ZDHHC24: variants seen among roughly 807,000 people sequenced by gnomAD.
The protein encoded by ZDHHC24 is zDHHC palmitoyltransferase 24.
ZDHHC24 carries 17 observed loss-of-function variants against 23.2 expected under a neutral mutation model. The observed-to-expected ratio is 0.73, with a 90% confidence interval of 0.50 to 1.10. The LOEUF (loss-of-function observed/expected upper bound fraction) is 1.10. Ranked by LOEUF, ZDHHC24 falls within the 50% of genes least tolerant of loss-of-function variation. ZDHHC24 has a pLI of 0.00. For synonymous variants in ZDHHC24, 186 were observed against 194.5 expected (o/e 0.96, Z 0.36); for missense variants, 366 against 393.0 (o/e 0.93, Z 0.58).
intron 4 of ZDHHC24, chr11:66,526,598 T>C (rs1229857448): frequency 6.2e-7 from 1 of 1,611,772 alleles, no homozygotes; most frequent in Non-Finnish European, 8.5e-7. Flanking sequence ...AGAATGGGAA[T>C]GTGGGTAGAA....
chr11:66,532,145 G>T (rs570234503), downstream of ZDHHC24: 2 of 1,215,576 alleles, frequency 1.6e-6, no homozygotes, highest in South Asian at 1.4e-5. Context: ...GCGACAGCTC[G>T]TCTCCCCTCT....
intron 4 of ZDHHC24, chr11:66,523,241 CAA>C (rs1856319627): frequency 3.0e-5 from 21 of 691,606 alleles, no homozygotes; most frequent in Non-Finnish European, 4.7e-5. Flanking sequence ...GGGAGGAAGA[CAA>C]GACACCATAG....
chr11:66,529,063 A>G, intron 3 of ZDHHC24: 1 of 984,828 alleles, frequency 1.0e-6, no homozygotes, highest in Non-Finnish European at 1.2e-6. Context: ...AAATTGTAAA[A>G]GTACTAGAGA....
chr11:66,524,261 CAG>C, intron 4 of ZDHHC24: 1 of 335,548 alleles, frequency 3.0e-6, no homozygotes, highest in Non-Finnish European at 5.8e-6. Flanking sequence ...GCCTGGACAA[CAG>C]AGCGAGACTC....
intron 4 of ZDHHC24, chr11:66,524,419 T>C: frequency 5.0e-6 from 1 of 199,262 alleles, no homozygotes; most frequent in South Asian, 8.6e-5. Flanking sequence ...CATAGCAAAT[T>C]TAAAAGGGCC....
Position 66,546,033 on chromosome 11 carries a change from G to A in ZDHHC24, c.-30C>T. ...TGGACACCCAGCTGTCGGAGCCGGAGGACTAGGCCGCTTCCGTATTGGGGC... is the reference window on the plus strand; with the variant it reads ...TGGACACCCAGCTGTCGGAGCCGGAAGACTAGGCCGCTTCCGTATTGGGGC... On this transcript the variant is annotated 5_prime_UTR_variant, in exon 1 of 3. Transcript: ENST00000310442. The A allele has an allele frequency of 2.2e-6, 3 of 1,371,816 alleles. No homozygotes were observed. Among genetic ancestry groups the A allele is most frequent in the Middle Eastern group, 2.7e-4 (1 of 3,688 alleles). The allele number at this position is 1,371,816 out of a possible 1,614,324, so 85.0% of individuals were successfully genotyped here.
At chr11:66,544,108 C>T (rs1857239878) in intron 1 of ZDHHC24, 127 bp from the exon 2 acceptor site, 3 of 1,263,842 alleles carry the variant, frequency 2.4e-6, no homozygotes, top group Non-Finnish European at 3.3e-6. Context: ...GCCTCAATTT[C>T]TTTACAAGTA....
Position 66,526,101 on chromosome 11 carries a change from A to T in ZDHHC24, c.*21+835T>A, listed in dbSNP as rs1179448106. 3.1e-6 allele frequency: 5 copies of T among 1,613,414 alleles called. No individual in the cohort carries two copies. In the Admixed American group the frequency reaches 8.3e-5, roughly 27 times the overall value. ...TCCTCTCCAAGATATTTCCCCAACTAAACTCTGACGTCTCCACATAGGATG... is the reference window on the plus strand; with the variant it reads ...TCCTCTCCAAGATATTTCCCCAACTTAACTCTGACGTCTCCACATAGGATG... On this transcript the variant is annotated intron_variant, in intron 4 of 4. Coordinates refer to the ZDHHC24 transcript ENST00000526986.
At chr11:66,523,868 G>A (rs764183402) in intron 4 of ZDHHC24, 10 of 1,613,202 alleles carry the variant, frequency 6.2e-6, no homozygotes, top group Non-Finnish European at 8.5e-6. Flanking sequence ...CCTGCTCAAT[G>A]TCATCCACAC....
At chr11:66,535,202 C>CTTTTGT (rs1483568277), downstream of ZDHHC24, among the ~76,000 whole-genome samples, 2 of 150,748 alleles carry the variant, frequency 1.3e-5, no homozygotes, top group East Asian at 2.0e-4. Flanking sequence ...CTGGACACAA[C>CTTTTGT]TTTTGTTTTT....
chr11:66,535,850 A>G lies in ZDHHC24; in HGVS notation c.*3679T>C, dbSNP rs2046576637. On this transcript the variant is annotated 3_prime_UTR_variant, in exon 3 of 3. Transcript: ENST00000310442. Reference sequence around the variant, plus strand: ...AAGGGCCGAGACTAGAGTTTAGGAGATGATTCCCAAAGGGCACAGGGGCAG... The same window carrying G: ...AAGGGCCGAGACTAGAGTTTAGGAGGTGATTCCCAAAGGGCACAGGGGCAG... The G allele has an allele frequency of 6.6e-6, 1 of 152,180 alleles. No individual in the cohort carries two copies. Among genetic ancestry groups the G allele is most frequent in the South Asian group, 2.1e-4 (1 of 4,824 alleles). The allele number at this position is 152,180 out of a possible 1,614,324, so 9.4% of individuals were successfully genotyped here.
At chr11:66,533,969 G>A (rs964529510), downstream of ZDHHC24, among the ~76,000 whole-genome samples, 1 of 152,066 alleles carries the variant, frequency 6.6e-6, no homozygotes, top group African/African-American at 2.4e-5. Flanking sequence ...AGGAGTTTGA[G>A]ACCAGCCCGG....
chr11:66,545,590 A>T lies in ZDHHC24; in HGVS notation c.281+133T>A. Reference sequence around the variant, plus strand: ...CACTCAATTCTAGCTCTTCCATCCCAGGTTCTAAAAAAATGTCTGATTCTA... The same window carrying T: ...CACTCAATTCTAGCTCTTCCATCCCTGGTTCTAAAAAAATGTCTGATTCTA... On this transcript the variant is annotated intron_variant, in intron 1 of 2. Coordinates refer to ENST00000310442, the MANE Select transcript of ZDHHC24 (RefSeq NM_207340.3). The surrounding 1 kb of genome is among the most constrained non-coding windows in gnomAD (Gnocchi z 4.5). 1 of 1,068,984 alleles carries T rather than the reference A, an allele frequency of 9.4e-7. No homozygotes were observed. The highest frequency in any genetic ancestry group is 1.3e-6 in the Non-Finnish European group (1 of 782,134). The allele number at this position is 1,068,984 out of a possible 1,614,324, so 66.2% of individuals were successfully genotyped here. A position where few individuals can be genotyped will look rare whatever the true frequency, so the allele number is the denominator to read the frequency against.
intron 4 of ZDHHC24, chr11:66,522,833 T>C (rs1856301278): frequency 3.3e-6 from 1 of 301,622 alleles, no homozygotes; most frequent in African/African-American, 2.2e-5. Flanking sequence ...GGAGAAAAAA[T>C]ACAAGCTCAA....
intron 4 of ZDHHC24, chr11:66,522,767 A>G (rs1271609648): frequency 4.1e-6 from 1 of 243,672 alleles, no homozygotes; most frequent in African/African-American, 2.3e-5. Context: ...CATGGCGAAG[A>G]CAGATGTATT....
chr11:66,525,015 A>T (rs564900344), intron 4 of ZDHHC24, among the ~76,000 whole-genome samples: 16 of 152,214 alleles, frequency 1.1e-4, no homozygotes, highest in Admixed American at 9.2e-4. Flanking sequence ...CCTGGCTAAC[A>T]CGGTAAAACC....
chr11:66,532,089 G>T, downstream of ZDHHC24: 1 of 1,541,314 alleles, frequency 6.5e-7, no homozygotes. Context: ...AGAACTGGGC[G>T]GGTTTAGTGG....
intron 2 of ZDHHC24, among the ~76,000 whole-genome samples, chr11:66,540,615 C>T (rs1857124865): frequency 4.6e-5 from 7 of 151,648 alleles, no homozygotes; most frequent in Admixed American, 4.6e-4. Context: ...GTAATCCCAG[C>T]TACTCAGGAG....
downstream of ZDHHC24, among the ~76,000 whole-genome samples, chr11:66,534,398 G>A (rs563273331): frequency 8.8e-5 from 12 of 136,322 alleles, no homozygotes; most frequent in South Asian, 2.4e-4. Context: ...AGCCAAGATC[G>A]CGCCACTACA....
Sources: gnomAD v4.1 joint callset for allele counts (sites outside exome capture counted in the v4.1 genomes callset) on GRCh38, gnomAD v4.1.1 for gene constraint, Gnocchi (gnomAD v3.1) non-coding constraint, MANE v1.5 for transcripts, NCBI Gene and HGNC (gene_info 2026-07-23, HGNC 2026-07-21) for gene names.